The following PLD5 variants were observed in gnomAD, a reference collection of about 807,000 sequenced individuals.
PLD5 encodes phospholipase D family member 5.
Under a neutral mutation model 61.1 loss-of-function variants are expected in PLD5, and 36 were observed. The ratio of observed to expected loss-of-function variants is 0.59; its 90% CI spans 0.45 to 0.78. The LOEUF is 0.78. Among genes scored for constraint, PLD5 ranks in the 30% least tolerant of loss-of-function variants. The pLI is 0.00. For synonymous variants in PLD5, 243 were observed against 242.8 expected, an observed-to-expected ratio of 1.00 and a Z score of -0.01; for missense variants, 515 against 644.4, an observed-to-expected ratio of 0.80 and a Z score of 2.17.
At chr1:242,491,221 C>T (rs1368015571) in intron 1 of PLD5, among the ~76,000 whole-genome samples, 1 of 152,158 alleles carries the variant, frequency 6.6e-6, no homozygotes, top group Non-Finnish European at 1.5e-5. Flanking sequence ...TTAGACCTTT[C>T]GAGTCCACAT....
intron 1 of PLD5, among the ~76,000 whole-genome samples, chr1:242,389,278 G>A (rs1449454422): frequency 1.3e-5 from 2 of 151,842 alleles, no homozygotes; most frequent in African/African-American, 4.8e-5. Context: ...CTAGCCCCCT[G>A]GTATACATGT....
intron 1 of PLD5, among the ~76,000 whole-genome samples, chr1:242,419,572 A>ATTTTTTTTTTTT (rs767869905): frequency 5.1e-5 from 5 of 97,090 alleles, no homozygotes; most frequent in African/African-American, 8.7e-5. Flanking sequence ...AATTTTTTGC[A>ATTTTTTTTTTTT]TTTTTTTTTT....
intron 8 of PLD5, among the ~76,000 whole-genome samples, chr1:242,105,465 T>G (rs1660977419): frequency 6.6e-6 from 1 of 152,114 alleles, no homozygotes. Flanking sequence ...CTCAAGTGAT[T>G]CACCTGCCTT....
chr1:242,178,661 A>G (rs954623046), intron 5 of PLD5, among the ~76,000 whole-genome samples: 2 of 152,170 alleles, frequency 1.3e-5, no homozygotes, highest in Non-Finnish European at 2.9e-5. Context: ...TCAAATCACA[A>G]TGTAGTCTCC....
intron 5 of PLD5, chr1:242,210,810 A>G (rs957797098): frequency 1.6e-4 from 25 of 152,248 alleles, no homozygotes; most frequent in African/African-American, 5.8e-4. Flanking sequence ...CAGGTGATTA[A>G]AAGCTTTTAT....
At chr1:242,208,005 C>G (rs1178517285) in intron 5 of PLD5, among the ~76,000 whole-genome samples, 1 of 137,220 alleles carries the variant, frequency 7.3e-6, no homozygotes, top group African/African-American at 2.8e-5. Flanking sequence ...CACACACACA[C>G]ACACACACAC....
intron 1 of PLD5, among the ~76,000 whole-genome samples, chr1:242,420,548 A>G (rs1239911852): frequency 1.3e-5 from 2 of 152,218 alleles, no homozygotes; most frequent in Non-Finnish European, 2.9e-5. Context: ...GATGCAGCTG[A>G]ATGGCAACTT....
At chr1:242,129,769 A>T (rs547224246) in intron 5 of PLD5, among the ~76,000 whole-genome samples, 33 of 152,224 alleles carry the variant, frequency 2.2e-4, no homozygotes, top group Non-Finnish European at 3.4e-4. Flanking sequence ...GTACTCATTA[A>T]TTTCTCATCC....
Position 242,215,224 on chromosome 1 carries a change from G to GGGTTT in PLD5, c.735+4763_735+4764insAAACC, listed in dbSNP as rs1364359610. On this transcript the variant is annotated intron_variant, in intron 5 of 9. Transcript: ENST00000536534. ...TTTTAACTTTTGCATTTATATGATG[G>GGGTTT]CCCACAAAAATTAAAACTGATAATG... Among the ~76,000 whole-genome samples the GGGTTT allele has an allele frequency of 1.4e-3, 208 of 151,596 alleles. 7 individuals are homozygous for GGGTTT. The highest frequency in any genetic ancestry group is 0.013 in the Admixed American group (195 of 15,044).
intron 4 of PLD5, among the ~76,000 whole-genome samples, chr1:242,230,999 C>T (rs957055947): frequency 7.2e-5 from 11 of 151,736 alleles, no homozygotes; most frequent in African/African-American, 2.7e-4. Flanking sequence ...CTTTCAGAAA[C>T]AATTAGGCTT....
chr1:242,482,316 A>G (rs956910801), intron 1 of PLD5, among the ~76,000 whole-genome samples: 1 of 152,180 alleles, frequency 6.6e-6, no homozygotes, highest in African/African-American at 2.4e-5. Context: ...TTGAAAAAAG[A>G]TTAGATGAAT....
chr1:242,411,925 A>G (rs1429986808), intron 1 of PLD5, among the ~76,000 whole-genome samples: 1 of 147,104 alleles, frequency 6.8e-6, no homozygotes, highest in African/African-American at 2.5e-5. Context: ...TAGTACTTAT[A>G]ATTTTCCTTT....
intron 4 of PLD5, among the ~76,000 whole-genome samples, chr1:242,260,996 G>A (rs1419515407): frequency 6.6e-6 from 1 of 152,200 alleles, no homozygotes; most frequent in Non-Finnish European, 1.5e-5. Flanking sequence ...CAGAGTCAGT[G>A]TAATTCTAAT....
intron 1 of PLD5, among the ~76,000 whole-genome samples, chr1:242,387,340 T>G (rs1329320507): frequency 1.3e-5 from 2 of 152,156 alleles, no homozygotes; most frequent in African/African-American, 4.8e-5. Context: ...CTGCCATATA[T>G]CAAGACTCCT....
At chr1:242,323,708 A>G (rs1333609291) in intron 2 of PLD5, among the ~76,000 whole-genome samples, 2 of 152,232 alleles carry the variant, frequency 1.3e-5, no homozygotes, top group African/African-American at 4.8e-5. Flanking sequence ...CTTACTCAGC[A>G]GGAAAGCACA....
chr1:242,303,761 T>G (rs1676191559), intron 2 of PLD5, among the ~76,000 whole-genome samples: 1 of 152,212 alleles, frequency 6.6e-6, no homozygotes, highest in Non-Finnish European at 1.5e-5. Context: ...CAGACTCAAG[T>G]CCTTGACACC....
intron 9 of PLD5, among the ~76,000 whole-genome samples, chr1:242,098,860 G>T (rs553392713): frequency 1.3e-5 from 2 of 152,296 alleles, no homozygotes; most frequent in South Asian, 4.2e-4. Context: ...AGCAGTGGAG[G>T]CTGCAGAACA....
intron 5 of PLD5, among the ~76,000 whole-genome samples, chr1:242,169,104 C>A (rs1250663557): frequency 6.6e-6 from 1 of 151,798 alleles, no homozygotes; most frequent in South Asian, 2.1e-4. Context: ...CTTTCTCAGG[C>A]AACCATTAGT....
chr1:242,465,160 A>G (rs369065918), intron 1 of PLD5, among the ~76,000 whole-genome samples: 2 of 152,344 alleles, frequency 1.3e-5, no homozygotes, highest in African/African-American at 4.8e-5. Flanking sequence ...TTTCACCTCA[A>G]TTAAGGAAAG....
Sources: gnomAD v4.1 joint callset for allele counts (sites outside exome capture counted in the v4.1 genomes callset) on GRCh38, gnomAD v4.1.1 for gene constraint, MANE v1.5 for transcripts, NCBI Gene and HGNC (gene_info 2026-07-23, HGNC 2026-07-21) for gene names.